The following PCDH9 variants were observed in gnomAD, a reference collection of about 807,000 sequenced individuals.
The protein encoded by PCDH9 is protocadherin 9.
PCDH9 carries 24 observed loss-of-function variants against 70.6 expected under a neutral mutation model. The ratio of observed to expected loss-of-function variants is 0.34; its 90% confidence interval spans 0.25 to 0.48. PCDH9 has a LOEUF of 0.48. Among genes scored for constraint, PCDH9 ranks in the 20% least tolerant of loss-of-function variants. PCDH9 has a pLI of 0.99. For synonymous variants in PCDH9, 562 were observed against 558.5 expected (o/e 1.01, Z -0.09); for missense variants, 1,281 against 1,503.6 (o/e 0.85, Z 2.45).
Position 66,862,937 on chromosome 13 carries a change from A to C in PCDH9, c.3138+40567T>G, listed in dbSNP as rs552871387. ...TATATTTTGGATATTTGGGAAAATA[A>C]AAATTTGTGTTTGTTTTTAGCAGTC... On this transcript the variant is annotated intron_variant, in intron 3 of 4. Transcript: ENST00000377865. Among the ~76,000 whole-genome samples the C allele has an allele frequency of 1.8e-3, 278 of 152,292 alleles. 1 individual carries two copies. The highest frequency in any genetic ancestry group is 3.0e-3 in the Non-Finnish European group (202 of 68,016).
intron 2 of PCDH9, among the ~76,000 whole-genome samples, chr13:67,039,304 C>T (rs538500546): frequency 2.0e-5 from 3 of 152,222 alleles, no homozygotes; most frequent in South Asian, 4.1e-4. Context: ...ACCTAAGTAC[C>T]GGACCAAGGA....
intron 4 of PCDH9, among the ~76,000 whole-genome samples, chr13:66,612,549 T>C (rs952684784): frequency 6.6e-6 from 1 of 151,912 alleles, no homozygotes; most frequent in Non-Finnish European, 1.5e-5. Flanking sequence ...TAATGACGAA[T>C]AATATTAAAA....
intron 2 of PCDH9, among the ~76,000 whole-genome samples, chr13:66,953,079 CA>C (rs5804303): frequency 0.25 from 37,397 of 148,670 alleles, 5,136 homozygotes; most frequent in East Asian, 0.63. Context: ...TTTCTATAGT[CA>C]AAAAAAAACA....
intron 4 of PCDH9, among the ~76,000 whole-genome samples, chr13:66,381,142 A>C (rs908354021): frequency 6.6e-6 from 1 of 152,220 alleles, no homozygotes; most frequent in African/African-American, 2.4e-5. Context: ...TGAGACCATC[A>C]TTTTGGCAAC....
chr13:66,938,084 A>C (rs1303500285), intron 2 of PCDH9, among the ~76,000 whole-genome samples: 1 of 152,222 alleles, frequency 6.6e-6, no homozygotes, highest in South Asian at 2.1e-4. Context: ...CCTATGGTTC[A>C]GAATAGATTG....
In PCDH9 at chr13:67,043,465, T is replaced by C. The variant is rs373847827; in HGVS notation, c.3037-139860A>G. ...AAGGAGAAAATCGAAAGTTTCTTTCTCTGTGACAAAGTGGATGGTGATGCC... is the reference window on the plus strand; with the variant it reads ...AAGGAGAAAATCGAAAGTTTCTTTCCCTGTGACAAAGTGGATGGTGATGCC... On this transcript the variant is annotated intron_variant, in intron 2 of 4. Coordinates refer to ENST00000377865, the MANE Select transcript of PCDH9 (RefSeq NM_203487.3). Among the ~76,000 whole-genome samples, 9 of 152,248 alleles carry C rather than the reference T, an allele frequency of 5.9e-5. No individual in the cohort carries two copies. The South Asian group carries it at 1.9e-3, about 32-fold the overall frequency.
At chr13:66,878,111 A>G (rs972095260) in intron 3 of PCDH9, among the ~76,000 whole-genome samples, 5 of 152,244 alleles carry the variant, frequency 3.3e-5, no homozygotes, top group African/African-American at 4.8e-5. Flanking sequence ...AAGGGAGAAA[A>G]AAGAAGATGC....
chr13:66,510,313 CAA>C (rs2138582167), intron 4 of PCDH9, among the ~76,000 whole-genome samples: 1 of 151,694 alleles, frequency 6.6e-6, no homozygotes, highest in South Asian at 2.1e-4. Flanking sequence ...ATAAAGCACC[CAA>C]GTCTTGAATA....
chr13:66,959,549 T>C (rs568097889), intron 2 of PCDH9, among the ~76,000 whole-genome samples: 2 of 151,976 alleles, frequency 1.3e-5, no homozygotes, highest in Non-Finnish European at 2.9e-5. Context: ...GGCCCAGAGT[T>C]TGAGACCAGC....
intron 2 of PCDH9, among the ~76,000 whole-genome samples, chr13:66,940,466 T>TA (rs966317871): frequency 2.6e-5 from 4 of 151,968 alleles, no homozygotes; most frequent in African/African-American, 9.7e-5. Context: ...AAACAGCATA[T>TA]AAAAAAAAGT....
intron 3 of PCDH9, among the ~76,000 whole-genome samples, chr13:66,818,822 T>A (rs1191139921): frequency 1.3e-5 from 2 of 151,894 alleles, no homozygotes; most frequent in Non-Finnish European, 2.9e-5. Context: ...TAGTCCCAGC[T>A]ACACGGGAGG....
chr13:66,714,541 G>A (rs140610489), intron 3 of PCDH9, among the ~76,000 whole-genome samples: 31 of 151,822 alleles, frequency 2.0e-4, no homozygotes, highest in Admixed American at 5.2e-4. Context: ...AATAAGTAAC[G>A]GTTATGAAAA....
At chr13:66,415,133 T>A (rs889562637) in intron 4 of PCDH9, among the ~76,000 whole-genome samples, 1 of 152,106 alleles carries the variant, frequency 6.6e-6, no homozygotes, top group Non-Finnish European at 1.5e-5. Flanking sequence ...TGAATACATT[T>A]TAGATATTAA....
intron 4 of PCDH9, among the ~76,000 whole-genome samples, chr13:66,570,745 T>A (rs2076722414): frequency 6.6e-6 from 1 of 152,088 alleles, no homozygotes; most frequent in Non-Finnish European, 1.5e-5. Context: ...GAATACAGGA[T>A]TGTAGAGGTT....
chr13:67,021,685 G>A lies in PCDH9; in HGVS notation c.3037-118080C>T, dbSNP rs552718152. Among the ~76,000 whole-genome samples, 6 of 151,872 alleles carry A rather than the reference G, an allele frequency of 4.0e-5. No homozygotes were observed. The South Asian group carries it at 8.3e-4, about 21-fold the overall frequency. On this transcript the variant is annotated intron_variant, in intron 2 of 4. Transcript: ENST00000377865. ...AGCAAATCTCCTGCCTCAGCCTCCC[G>A]AGTAGCTGGAATTACAGGTGCACAC... is the stretch of plus-strand genomic sequence containing the variant.
At chr13:66,719,938 G>C (rs971507250) in intron 3 of PCDH9, among the ~76,000 whole-genome samples, 1 of 152,152 alleles carries the variant, frequency 6.6e-6, no homozygotes, top group Non-Finnish European at 1.5e-5. Context: ...GTAAAATCAA[G>C]CGTGGCAGTT....
chr13:66,703,130 A>T (rs534020623), intron 3 of PCDH9, among the ~76,000 whole-genome samples: 2 of 152,358 alleles, frequency 1.3e-5, no homozygotes, highest in South Asian at 4.1e-4. Flanking sequence ...GAAAAGTTTT[A>T]AAATGAATAG....
intron 2 of PCDH9, among the ~76,000 whole-genome samples, chr13:67,184,616 G>A (rs374068868): frequency 2.0e-5 from 3 of 152,114 alleles, no homozygotes; most frequent in Admixed American, 6.5e-5. Flanking sequence ...CTGTTGTCCC[G>A]GCTACTTGGG....
At chr13:66,930,352 C>T (rs1472142244) in intron 2 of PCDH9, among the ~76,000 whole-genome samples, 1 of 151,850 alleles carries the variant, frequency 6.6e-6, no homozygotes, top group Non-Finnish European at 1.5e-5. Flanking sequence ...TTTCCTATGC[C>T]CTGTCAGTGA....
Sources: gnomAD v4.1 joint callset for allele counts (sites outside exome capture counted in the v4.1 genomes callset) on GRCh38, gnomAD v4.1.1 for gene constraint, MANE v1.5 for transcripts, NCBI Gene and HGNC (gene_info 2026-07-23, HGNC 2026-07-21) for gene names.